Variants in RNF8 observed in about 807,000 individuals in gnomAD.
RNF8 encodes ring finger protein 8, also known as E3 ubiquitin-protein ligase RNF8.
RNF8 carries 8 observed loss-of-function variants against 59.3 expected under a neutral mutation model. The ratio of observed to expected loss-of-function variants is 0.13; its 90% confidence interval spans 0.08 to 0.24. The LOEUF (loss-of-function observed/expected upper bound fraction) is 0.24. Ranked by LOEUF, RNF8 falls within the 10% of genes least tolerant of loss-of-function variation. RNF8 has a pLI of 1.00. For missense variants in RNF8, 406 were observed against 572.6 expected (o/e 0.71, Z 2.97); for synonymous variants, 162 against 200.0 (o/e 0.81, Z 1.60).
intron 1 of RNF8, among the ~76,000 whole-genome samples, chr6:37,358,503 G>C (rs1292109277): frequency 6.6e-6 from 1 of 152,152 alleles, no homozygotes; most frequent in Non-Finnish European, 1.5e-5. Flanking sequence ...TTGAATTATA[G>C]CCCATATAAT....
intron 6 of RNF8, among the ~76,000 whole-genome samples, chr6:37,380,380 C>T (rs1252082806): frequency 6.6e-6 from 1 of 151,972 alleles, no homozygotes; most frequent in Non-Finnish European, 1.5e-5. Context: ...CTTAAAATTT[C>T]CCAACCCAGG....
At chr6:37,378,373 G>A (rs1770108823) in intron 6 of RNF8, among the ~76,000 whole-genome samples, 1 of 151,814 alleles carries the variant, frequency 6.6e-6, no homozygotes. Context: ...GGCCAAGGTG[G>A]GCGGATCACC....
At position 37,393,129 on chromosome 6, in the gene RNF8, C is replaced by G. The variant is rs1770770717; in HGVS notation, c.*2371C>G. On this transcript the variant is annotated 3_prime_UTR_variant, in exon 8 of 8. Coordinates refer to ENST00000373479, the MANE Select transcript of RNF8 (RefSeq NM_003958.4). ...AGGAAAGTGAGCTCTTAAAGACAGA[C>G]TAAAAAGAGTAATAAATCAATACAA... 1 of 152,592 alleles carries G rather than the reference C, an allele frequency of 6.6e-6. No homozygotes were observed. Among genetic ancestry groups the G allele is most frequent in the African/African-American group, 2.4e-5 (1 of 41,460 alleles). The allele number at this position is 152,592 out of a possible 1,614,324, so 9.5% of individuals were successfully genotyped here.
rs1770710647 is a variant in RNF8, at chr6:37,390,988, G to A, written c.*230G>A. On this transcript the variant is annotated 3_prime_UTR_variant, in exon 8 of 8. Coordinates refer to ENST00000373479, the MANE Select transcript of RNF8 (RefSeq NM_003958.4). Reference sequence around the variant, plus strand: ...ATTCACGGCACCCAACTGCTTCAGGGTACTTCGTAGACTCTGCCTCACTAC... The same window carrying A: ...ATTCACGGCACCCAACTGCTTCAGGATACTTCGTAGACTCTGCCTCACTAC... 2 of 639,512 alleles carry A rather than the reference G, an allele frequency of 3.1e-6. No individual in the cohort carries two copies. The highest frequency in any genetic ancestry group is 2.7e-5 in the Admixed American group (1 of 37,444). The allele number at this position is 639,512 out of a possible 1,614,324, so 39.6% of individuals were successfully genotyped here. A position where few individuals can be genotyped will look rare whatever the true frequency, so the allele number is the denominator to read the frequency against.
intron 2 of RNF8, among the ~76,000 whole-genome samples, chr6:37,364,661 T>C (rs2113818599): frequency 6.6e-6 from 1 of 152,260 alleles, no homozygotes; most frequent in South Asian, 2.1e-4. Flanking sequence ...TTTCTAAGAG[T>C]CAAATATATA....
chr6:37,381,625 T>TA (rs1383809754), intron 7 of RNF8, among the ~76,000 whole-genome samples: 1 of 152,092 alleles, frequency 6.6e-6, no homozygotes, highest in Non-Finnish European at 1.5e-5. Context: ...AGATGTGATT[T>TA]AAAAAAATAC....
rs557512372 is a variant in RNF8 at position 37,375,820 on chromosome 6, C to T, written c.1129-1106C>T. Among the ~76,000 whole-genome samples the T allele has an allele frequency of 2.0e-5, 3 of 152,348 alleles. No individual in the cohort carries two copies. In the East Asian group the frequency reaches 5.8e-4, roughly 29 times the overall value. On this transcript the variant is annotated intron_variant, in intron 5 of 7. Transcript: ENST00000373479. The stretch of plus-strand genomic sequence containing the variant: ...ATACCTCAAATGGCCTATCCTCTCC[C>T]CCTCAGGGGCTCTTAATGCTTTTTG...
Position 37,381,374 on chromosome 6 carries a change from C to T in RNF8, c.1441+20C>T. 1 of 1,603,582 alleles carries T rather than the reference C, an allele frequency of 6.2e-7. No individual in the cohort carries two copies. Among genetic ancestry groups the T allele is most frequent in the Non-Finnish European group, 8.5e-7 (1 of 1,171,094 alleles). On this transcript the variant is annotated intron_variant, in intron 7 of 7. Coordinates refer to ENST00000373479, the MANE Select transcript of RNF8 (RefSeq NM_003958.4). ...GAAAAGGTGAGTGGGTGTGAGAATT[C>T]CTACCCCTCAAGAAAGGACTTATTT...
intron 5 of RNF8, 107 bp downstream of exon 5, chr6:37,374,816 T>G: frequency 1.3e-6 from 1 of 748,578 alleles, no homozygotes; most frequent in South Asian, 1.7e-5. Flanking sequence ...TTATGGCTGC[T>G]CCTTGCCTCT....
intron 6 of RNF8, 98 bp from the exon 7 acceptor site, chr6:37,381,052 G>A (rs1770239997): frequency 1.0e-6 from 1 of 973,426 alleles, no homozygotes; most frequent in South Asian, 1.4e-5. Context: ...TTTCCATTTG[G>A]CCTTTGAAAT....
In RNF8 at chr6:37,391,484, T is replaced by A. The variant is rs1770724824; in HGVS notation, c.*726T>A. On this transcript the variant is annotated 3_prime_UTR_variant, in exon 8 of 8. Transcript: ENST00000373479. ...GTCACTGTTTACCTTGTTTCAGGGGTGGGAGAAACTCCTTTCCTTCAGCTG... is the reference window on the plus strand; with the variant it reads ...GTCACTGTTTACCTTGTTTCAGGGGAGGGAGAAACTCCTTTCCTTCAGCTG... The A allele has an allele frequency of 6.6e-6, 1 of 152,206 alleles. No individual in the cohort carries two copies. Among genetic ancestry groups the A allele is most frequent in the Non-Finnish European group, 1.5e-5 (1 of 68,054 alleles). The allele number at this position is 152,206 out of a possible 1,614,324, so 9.4% of individuals were successfully genotyped here.
chr6:37,386,148 C>T (rs1770485540), intron 7 of RNF8, among the ~76,000 whole-genome samples: 1 of 146,954 alleles, frequency 6.8e-6, no homozygotes, highest in South Asian at 2.1e-4. Flanking sequence ...ATTTTTTTCC[C>T]CTATCACTCT....
At chr6:37,364,383 T>G (rs776124039) in intron 2 of RNF8, among the ~76,000 whole-genome samples, 1 of 152,102 alleles carries the variant, frequency 6.6e-6, no homozygotes, top group Non-Finnish European at 1.5e-5. Flanking sequence ...GTGGGGTTTG[T>G]TTTGTTTTTG....
intron 4 of RNF8, 134 bp from the exon 5 acceptor site, chr6:37,374,486 A>G: frequency 1.6e-6 from 1 of 641,528 alleles, no homozygotes; most frequent in Admixed American, 2.7e-5. Flanking sequence ...TAAAGGTATT[A>G]TTTTGAAATT....
chr6:37,354,105 C>G lies in RNF8; in HGVS notation c.-60C>G. 1 of 1,375,866 alleles carries G rather than the reference C, an allele frequency of 7.3e-7. No homozygotes were observed. Among genetic ancestry groups the G allele is most frequent in the Non-Finnish European group, 1.0e-6 (1 of 987,188 alleles). The allele number at this position is 1,375,866 out of a possible 1,614,324, so 85.2% of individuals were successfully genotyped here. On this transcript the variant is annotated 5_prime_UTR_variant, in exon 1 of 8. Transcript: ENST00000373479. The stretch of plus-strand genomic sequence containing the variant: ...TGGAAGCTGAGGGGATGCACAGAGG[C>G]AGCCAGAACCTAGGTCAGGGTCTCG...
chr6:37,367,470 C>A (rs1769606809), intron 2 of RNF8, among the ~76,000 whole-genome samples: 2 of 152,182 alleles, frequency 1.3e-5, no homozygotes, highest in South Asian at 4.1e-4. Flanking sequence ...GTGATGCAAT[C>A]TTGGCTCACG....
intron 6 of RNF8, among the ~76,000 whole-genome samples, chr6:37,378,259 A>G (rs1770105155): frequency 6.6e-6 from 1 of 152,168 alleles, no homozygotes; most frequent in African/African-American, 2.4e-5. Context: ...ACGCAACTGC[A>G]CTTCAGCCTG....
At chr6:37,390,712 T>C (rs374066782) in intron 7 of RNF8, 30 bp from the exon 8 acceptor site, 20 of 1,547,944 alleles carry the variant, frequency 1.3e-5, no homozygotes, top group East Asian at 4.5e-5. Flanking sequence ...AGGCTCCTCA[T>C]TTATTTATTT....
chr6:37,381,547 C>T (rs138480331), intron 7 of RNF8, among the ~76,000 whole-genome samples, 193 bp downstream of exon 7: 1 of 152,222 alleles, frequency 6.6e-6, no homozygotes, highest in East Asian at 1.9e-4. Flanking sequence ...TTAACCGCAA[C>T]TGTTACTTGA....
Sources: gnomAD v4.1 joint callset for allele counts (sites outside exome capture counted in the v4.1 genomes callset) on GRCh38, gnomAD v4.1.1 for gene constraint, MANE v1.5 for transcripts, NCBI Gene and HGNC (gene_info 2026-07-23, HGNC 2026-07-21) for gene names.